Variants in LYPLAL1 observed in about 807,000 individuals in gnomAD.
LYPLAL1 encodes the protein lysophospholipase-like protein 1.
In LYPLAL1, 23 loss-of-function variants were observed where a neutral mutation model predicts 19.7. The observed-to-expected ratio is 1.17, with a 90% CI of 0.84 to 1.65. The LOEUF is 1.65. Ranked by LOEUF, LYPLAL1 falls within the 40% of genes most tolerant of loss-of-function variation. LYPLAL1 has a pLI of 0.00. For missense variants in LYPLAL1, 355 were observed against 279.4 expected (o/e 1.27, Z -1.93); for synonymous variants, 119 against 96.3 (o/e 1.24, Z -1.38).
chr1:219,289,639 C>G, the LYPLAL1 span, among the ~76,000 whole-genome samples: 1 of 152,170 alleles, frequency 6.6e-6, no homozygotes, highest in African/African-American at 2.4e-5. Context: ...TAGAAAATTA[C>G]TCTCAGTCTT....
At chr1:219,387,648 A>C in the LYPLAL1 span, among the ~76,000 whole-genome samples, 311 of 152,324 alleles carry the variant, frequency 2.0e-3, 1 homozygote, top group Middle Eastern at 6.8e-3. Context: ...GGTTGTCTTC[A>C]ACACCTGAAA....
the LYPLAL1 span, among the ~76,000 whole-genome samples, chr1:219,276,498 A>G: frequency 1.3e-5 from 2 of 152,254 alleles, no homozygotes; most frequent in African/African-American, 2.4e-5. Flanking sequence ...TGAGTCAGCC[A>G]GAGGGTAAAT....
the LYPLAL1 span, among the ~76,000 whole-genome samples, chr1:219,422,051 G>A: frequency 6.6e-6 from 1 of 152,110 alleles, no homozygotes; most frequent in Non-Finnish European, 1.5e-5. Context: ...CACAACCTAC[G>A]CTGGTTGATC....
chr1:219,229,251 ACTAGGGCTGAACTCCCATG>A, the LYPLAL1 span, among the ~76,000 whole-genome samples: 2 of 149,522 alleles, frequency 1.3e-5, no homozygotes, highest in African/African-American at 5.0e-5. Context: ...GTGGTCCCTG[ACTAGGGCTGAACTCCCATG>A]GACATAGGTG....
At chr1:219,224,837 T>G in the LYPLAL1 span, among the ~76,000 whole-genome samples, 1 of 152,128 alleles carries the variant, frequency 6.6e-6, no homozygotes, top group African/African-American at 2.4e-5. Context: ...TATTTAGGAG[T>G]TTTTGGAGGT....
intron 1 of LYPLAL1, among the ~76,000 whole-genome samples, chr1:219,177,357 CTCTT>C (rs1655902539): frequency 6.6e-6 from 1 of 152,206 alleles, no homozygotes; most frequent in Non-Finnish European, 1.5e-5. Context: ...TCCCTTCTCT[CTCTT>C]TTTGAGAAAG....
chr1:219,277,786 A>G, the LYPLAL1 span, among the ~76,000 whole-genome samples: 15 of 152,086 alleles, frequency 9.9e-5, no homozygotes, highest in Non-Finnish European at 1.9e-4. Flanking sequence ...GGAAATTGTC[A>G]TTGTGATTTT....
the LYPLAL1 span, among the ~76,000 whole-genome samples, chr1:219,233,349 G>A: frequency 6.6e-6 from 1 of 152,138 alleles, no homozygotes; most frequent in South Asian, 2.1e-4. Context: ...GATAAAGGAG[G>A]GAGTGATAGG....
At chr1:219,205,371 A>AAC (rs1390367631) in intron 3 of LYPLAL1, among the ~76,000 whole-genome samples, 5 of 151,120 alleles carry the variant, frequency 3.3e-5, no homozygotes, top group Admixed American at 2.0e-4. Flanking sequence ...CTCAAAAAAA[A>AAC]AAAAAAACAA....
the LYPLAL1 span, among the ~76,000 whole-genome samples, chr1:219,330,592 A>G: frequency 6.6e-6 from 1 of 152,204 alleles, no homozygotes; most frequent in African/African-American, 2.4e-5. Flanking sequence ...AAAAATATCA[A>G]CTAATGTCTG....
the LYPLAL1 span, among the ~76,000 whole-genome samples, chr1:219,325,998 C>T: frequency 6.6e-6 from 1 of 152,066 alleles, no homozygotes; most frequent in Admixed American, 6.5e-5. Context: ...CTACAACCTC[C>T]ACCTCCTGGG....
At chr1:219,302,899 C>T in the LYPLAL1 span, among the ~76,000 whole-genome samples, 1 of 152,138 alleles carries the variant, frequency 6.6e-6, no homozygotes, top group Non-Finnish European at 1.5e-5. Context: ...AGCCATTCAC[C>T]ACTCGTTGGT....
the LYPLAL1 span, among the ~76,000 whole-genome samples, chr1:219,292,918 T>C: frequency 1.3e-5 from 2 of 152,130 alleles, no homozygotes; most frequent in African/African-American, 4.8e-5. Context: ...CAACAGCAAT[T>C]ACCTCTGCTC....
At chr1:219,308,048 A>G in the LYPLAL1 span, among the ~76,000 whole-genome samples, 1 of 152,240 alleles carries the variant, frequency 6.6e-6, no homozygotes, top group Non-Finnish European at 1.5e-5. Flanking sequence ...AATGATATGG[A>G]CAATGAAATC....
the LYPLAL1 span, among the ~76,000 whole-genome samples, chr1:219,439,959 C>CTATA: frequency 1.5e-5 from 2 of 131,684 alleles, no homozygotes; most frequent in Non-Finnish European, 3.1e-5. Flanking sequence ...ACAAAACTGA[C>CTATA]TATATATATA....
At chr1:219,291,645 C>T in the LYPLAL1 span, among the ~76,000 whole-genome samples, 4 of 152,134 alleles carry the variant, frequency 2.6e-5, no homozygotes, top group Non-Finnish European at 4.4e-5. Flanking sequence ...TTTACTTCCA[C>T]TCAAAGATAA....
At chr1:219,280,211 C>T in the LYPLAL1 span, among the ~76,000 whole-genome samples, 1 of 152,210 alleles carries the variant, frequency 6.6e-6, no homozygotes, top group Admixed American at 6.5e-5. Flanking sequence ...TCTGGAGCTT[C>T]ACTGAACCTC....
chr1:219,272,733 A>G, the LYPLAL1 span: 1 of 151,910 alleles, frequency 6.6e-6, no homozygotes, highest in African/African-American at 2.4e-5. Context: ...GCGAGATGGC[A>G]CCATTCATTT....
the LYPLAL1 span, among the ~76,000 whole-genome samples, chr1:219,259,635 C>T: frequency 1.1e-3 from 169 of 151,158 alleles, no homozygotes; most frequent in East Asian, 5.6e-3. Flanking sequence ...TTTGGAGACA[C>T]GGGGGGAAGG....
Sources: gnomAD v4.1 joint callset for allele counts (sites outside exome capture counted in the v4.1 genomes callset) on GRCh38, gnomAD v4.1.1 for gene constraint, MANE v1.5 for transcripts, NCBI Gene and HGNC (gene_info 2026-07-23, HGNC 2026-07-21) for gene names.